The following ESR2 variants were observed in gnomAD, a reference collection of about 807,000 sequenced individuals.
The protein encoded by ESR2 is estrogen receptor beta.
A neutral mutation model predicts 49.6 loss-of-function variants in ESR2; 36 were observed. The observed-to-expected ratio is 0.73, with a 90% CI of 0.56 to 0.96. The LOEUF is 0.96. Among genes scored for constraint, ESR2 ranks in the 40% least tolerant of loss-of-function variants. The pLI, the probability that ESR2 is intolerant of heterozygous loss-of-function variation, is 0.00. For synonymous variants in ESR2, 320 were observed against 266.1 expected (o/e 1.20, Z -1.97); for missense variants, 714 against 693.0 (o/e 1.03, Z -0.34).
Position 64,230,129 on chromosome 14 carries a change from C to T in ESR2, c.*3008G>A, listed in dbSNP as rs560130162. ...GGAGGATCGCTTGAGCCCAGGAGGTCGAGGCTGCAGTGAGCCATGATGGCG... is the reference window on the plus strand; with the variant it reads ...GGAGGATCGCTTGAGCCCAGGAGGTTGAGGCTGCAGTGAGCCATGATGGCG... On this transcript the variant is annotated 3_prime_UTR_variant, in exon 9 of 9. Transcript: ENST00000341099. Among the ~76,000 whole-genome samples the T allele has an allele frequency of 1.7e-4, 26 of 149,046 alleles. No homozygotes were observed. The highest frequency in any genetic ancestry group is 3.5e-3 in the Middle Eastern group (1 of 284).
intron 1 of ESR2, among the ~76,000 whole-genome samples, chr14:64,325,020 T>C (rs1477829235): frequency 6.6e-6 from 1 of 152,220 alleles, no homozygotes; most frequent in Non-Finnish European, 1.5e-5. Flanking sequence ...GTGGAATTGC[T>C]GAGTCACAGG....
chr14:64,233,058 G>A lies in ESR2; in HGVS notation c.*79C>T. ...ATGAGGGACCACACAGCAGAAAGAT[G>A]AAGCCCAGGCTCCTGACACACTGGA... is the stretch of plus-strand genomic sequence containing the variant. On this transcript the variant is annotated 3_prime_UTR_variant, in exon 9 of 9. Coordinates refer to ENST00000341099, the MANE Select transcript of ESR2 (RefSeq NM_001437.3). 2 of 1,538,938 alleles carry A rather than the reference G, an allele frequency of 1.3e-6. No homozygotes were observed. The highest frequency in any genetic ancestry group is 4.6e-5 in the East Asian group (2 of 43,866).
intron 1 of ESR2, among the ~76,000 whole-genome samples, chr14:64,317,271 C>G (rs2077266905): frequency 6.6e-6 from 1 of 152,022 alleles, no homozygotes. Context: ...TCTCACAACA[C>G]AAACAAACAA....
At position 64,282,982 on chromosome 14, in the gene ESR2, C is replaced by T. The variant is rs2076712228; in HGVS notation, c.4G>A (p.Asp2Asn). The change falls in exon 2 of 9, where the codon GAT becomes AAT. Residue 2 changes from aspartate to asparagine, a missense_variant. By Grantham distance (23) the Asp-to-Asn change is conservative. Transcript: ENST00000341099. ...AGGCTAGATGGTGAGTTTTTTATATCCATGTCTTGAGATAACAGCTGAGAA... is the reference window on the plus strand; with the variant it reads ...AGGCTAGATGGTGAGTTTTTTATATTCATGTCTTGAGATAACAGCTGAGAA... M[D>N]IKNSPSSLNS... The T allele has an allele frequency of 2.5e-6, 4 of 1,610,310 alleles. No individual in the cohort carries two copies. Among genetic ancestry groups the T allele is most frequent in the Non-Finnish European group, 3.4e-6 (4 of 1,177,654 alleles).
intron 1 of ESR2, chr14:64,329,493 A>G (rs902623483): frequency 1.3e-5 from 2 of 152,198 alleles, no homozygotes; most frequent in South Asian, 2.1e-4. Context: ...AATAACTACA[A>G]TAATTTGGGC....
intron 1 of ESR2, among the ~76,000 whole-genome samples, chr14:64,333,719 C>T (rs28590754): frequency 0.2 from 31,041 of 151,910 alleles, 3,864 homozygotes; most frequent in East Asian, 0.47. Context: ...ACGAGAACAA[C>T]AGGGAGGAAA....
intron 7 of ESR2, among the ~76,000 whole-genome samples, chr14:64,240,628 C>G (rs1228996637): frequency 6.6e-6 from 1 of 152,190 alleles, no homozygotes; most frequent in Non-Finnish European, 1.5e-5. Context: ...GAGCCATCAC[C>G]ACAACCAAGA....
At position 64,282,784 on chromosome 14, in the gene ESR2, C is replaced by T. The variant is rs1305122582; in HGVS notation, c.202G>A (p.Gly68Arg). 6.2e-7 allele frequency: 1 copy of T among 1,614,226 alleles called. No homozygotes were observed. Among genetic ancestry groups the T allele is most frequent in the South Asian group, 1.1e-5 (1 of 91,086 alleles). The change falls in exon 2 of 9, where the codon GGG becomes AGG. Residue 68 changes from glycine (G) to arginine (R), a missense_variant. Physicochemically the swap from Gly to Arg is moderately radical, Grantham distance 125. Coordinates refer to ENST00000341099, the MANE Select transcript of ESR2 (RefSeq NM_001437.3). ...IPSNVTNLEG[G>R]PGRQTTSPNV... is the part of the protein sequence containing the mutation. ...GGGCTTGTGGTCTGCCGACCAGGCC[C>T]ACCTTCCAAGTTAGTGACATTGCTG...
At chr14:64,319,574 C>G (rs2077301236) in intron 1 of ESR2, among the ~76,000 whole-genome samples, 1 of 152,064 alleles carries the variant, frequency 6.6e-6, no homozygotes, top group Non-Finnish European at 1.5e-5. Context: ...ATTTAAAATT[C>G]AACAACTAGA....
rs1009593001 is a variant in ESR2 at position 64,229,865 on chromosome 14, G to A, written c.*3272C>T. On this transcript the variant is annotated 3_prime_UTR_variant, in exon 9 of 9. Transcript: ENST00000341099. ...ATAATGTGTTTTTATCTTTTTAAAA[G>A]ATTTTCAGCAACTTAAAAAAAAATG... is the stretch of plus-strand genomic sequence containing the variant. 6.6e-6 allele frequency among the ~76,000 whole-genome samples: 1 copy of A among 152,096 alleles called. No homozygotes were observed. Among genetic ancestry groups the A allele is most frequent in the Admixed American group, 6.5e-5 (1 of 15,278 alleles).
chr14:64,244,450 T>C (rs1334768871), intron 7 of ESR2, among the ~76,000 whole-genome samples: 2 of 151,584 alleles, frequency 1.3e-5, no homozygotes, highest in Non-Finnish European at 2.9e-5. Context: ...AGATCTGCCC[T>C]TAGCCAATGT....
chr14:64,259,313 T>C (rs2076164536), intron 5 of ESR2, among the ~76,000 whole-genome samples: 1 of 152,212 alleles, frequency 6.6e-6, no homozygotes, highest in African/African-American at 2.4e-5. Context: ...CCCAGGCTCT[T>C]TACCCAAAAC....
At chr14:64,269,507 C>T (rs1281861403) in intron 3 of ESR2, among the ~76,000 whole-genome samples, 5 of 152,198 alleles carry the variant, frequency 3.3e-5, no homozygotes, top group African/African-American at 1.2e-4. Context: ...AAACACTTCC[C>T]TACCAGTTGA....
At chr14:64,305,832 A>G (rs1460899205) in intron 1 of ESR2, among the ~76,000 whole-genome samples, 1 of 152,218 alleles carries the variant, frequency 6.6e-6, no homozygotes, top group Non-Finnish European at 1.5e-5. Context: ...GGTATTTAAC[A>G]CTACCAAATG....
Position 64,270,282 on chromosome 14 carries a change from C to T in ESR2, c.536-1371G>A, listed in dbSNP as rs116617664. On this transcript the variant is annotated intron_variant, in intron 3 of 8. Coordinates refer to ENST00000341099, the MANE Select transcript of ESR2 (RefSeq NM_001437.3). ...TCAACCTGCATCGTTTAGGGATGCA[C>T]GTGTAGGTGGTAAAACCATACACAG... Among the ~76,000 whole-genome samples, 789 of 152,242 alleles carry T rather than the reference C, an allele frequency of 5.2e-3. 9 individuals carry two copies. Among genetic ancestry groups the T allele is most frequent in the African/African-American group, 0.018 (752 of 41,548 alleles).
At chr14:64,251,673 A>G (rs2075992451) in intron 6 of ESR2, among the ~76,000 whole-genome samples, 1 of 152,230 alleles carries the variant, frequency 6.6e-6, no homozygotes, top group African/African-American at 2.4e-5. Context: ...TAACTCATGG[A>G]GAAAGTTAAT....
chr14:64,318,282 A>G (rs1022138730), intron 1 of ESR2, among the ~76,000 whole-genome samples: 59 of 152,166 alleles, frequency 3.9e-4, no homozygotes, highest in Admixed American at 3.9e-3. Flanking sequence ...CATGCCTGTA[A>G]TCCCAGCACT....
intron 1 of ESR2, among the ~76,000 whole-genome samples, chr14:64,310,762 G>T (rs951846651): frequency 1.3e-5 from 2 of 152,064 alleles, no homozygotes; most frequent in African/African-American, 2.4e-5. Flanking sequence ...GAGCCACCGC[G>T]CCAGAGAACT....
rs1055432474 is a variant in ESR2 at position 64,259,979 on chromosome 14, T to C, written c.952+470A>G. ...TCCAGGTTCCAGGACTCTAGGATTCTTGCCCAAATGACCCCAAGCCCAATT... is the reference window on the plus strand; with the variant it reads ...TCCAGGTTCCAGGACTCTAGGATTCCTGCCCAAATGACCCCAAGCCCAATT... On this transcript the variant is annotated intron_variant, in intron 5 of 8. Coordinates refer to ENST00000341099, the MANE Select transcript of ESR2 (RefSeq NM_001437.3). Among the ~76,000 whole-genome samples the C allele has an allele frequency of 4.6e-5, 7 of 152,288 alleles. No individual in the cohort carries two copies. In the South Asian group the frequency reaches 6.2e-4, roughly 14 times the overall value.
Sources: gnomAD v4.1 joint callset for allele counts (sites outside exome capture counted in the v4.1 genomes callset) on GRCh38, gnomAD v4.1.1 for gene constraint, MANE v1.5 for transcripts, NCBI Gene and HGNC (gene_info 2026-07-23, HGNC 2026-07-21) for gene names.